SGK3: variants seen among roughly 807,000 people sequenced by gnomAD.
SGK3 encodes the protein serine/threonine-protein kinase Sgk3.
Under a neutral mutation model 68.5 loss-of-function variants are expected in SGK3, and 47 were observed. That is an observed-to-expected ratio of 0.69 (90% CI 0.54 to 0.87). SGK3 has a LOEUF of 0.87. Ranked by LOEUF, SGK3 falls within the 40% of genes least tolerant of loss-of-function variation. SGK3 has a pLI of 0.00. For synonymous variants in SGK3, 181 were observed against 189.1 expected, an observed-to-expected ratio of 0.96 and a Z score of 0.35; for missense variants, 479 against 575.5, an observed-to-expected ratio of 0.83 and a Z score of 1.72.
chr8:66,772,479 G>T (rs950865879), intron 1 of SGK3, among the ~76,000 whole-genome samples: 1 of 150,262 alleles, frequency 6.7e-6, no homozygotes, highest in African/African-American at 2.5e-5. Context: ...ATTGCAGCCT[G>T]TACCTTCCAG....
intron 1 of SGK3, among the ~76,000 whole-genome samples, chr8:66,764,659 T>C (rs139474776): frequency 6.6e-6 from 1 of 152,120 alleles, no homozygotes; most frequent in Admixed American, 6.5e-5. Context: ...ATTTTGTCAG[T>C]AGAGATGGGG....
chr8:66,809,961 G>A (rs1330936112), intron 4 of SGK3, among the ~76,000 whole-genome samples: 3 of 152,168 alleles, frequency 2.0e-5, no homozygotes, highest in African/African-American at 4.8e-5. Flanking sequence ...AGGGATCCAA[G>A]AGCGCTAGCA....
Position 66,821,805 on chromosome 8 carries a change from G to A in SGK3, c.330-567G>A, listed in dbSNP as rs368743571. 8.3e-4 allele frequency among the ~76,000 whole-genome samples: 126 copies of A among 151,400 alleles called. 1 individual carries two copies. The highest frequency in any genetic ancestry group is 3.0e-3 in the African/African-American group (123 of 41,254). On this transcript the variant is annotated intron_variant, in intron 5 of 16. Coordinates refer to ENST00000521198, the MANE Select transcript of SGK3 (RefSeq NM_001033578.3). ...TTCCCAAAGTGCTGGGATTACAGGC[G>A]TGAGCCACTGTGCCTGGCCAGCAGC...
At chr8:66,829,029 G>C (rs1393150937) in intron 7 of SGK3, among the ~76,000 whole-genome samples, 1 of 151,432 alleles carries the variant, frequency 6.6e-6, no homozygotes, top group East Asian at 1.9e-4. Context: ...TTTCCCAAGG[G>C]ACCACAAGTC....
intron 16 of SGK3, among the ~76,000 whole-genome samples, chr8:66,851,722 G>A (rs1810296906): frequency 6.6e-6 from 1 of 152,034 alleles, no homozygotes; most frequent in Admixed American, 6.5e-5. Context: ...TTAAAGATGA[G>A]CTTTATACTA....
In SGK3 at chr8:66,767,581, C is replaced by T. The variant is rs1806358673; in HGVS notation, c.-121-26035C>T. The T allele has an allele frequency of 2.1e-6, 3 of 1,415,890 alleles. No individual in the cohort carries two copies. In the African/African-American group the frequency reaches 4.2e-5, roughly 20 times the overall value. The allele number at this position is 1,415,890 out of a possible 1,614,324, so 87.7% of individuals were successfully genotyped here. ...ATCAAGTATCATGAGAGGCACTTCA[C>T]TCAAGGGGAGATGTGCAATCTGGTG... On this transcript the variant is annotated intron_variant, in intron 1 of 16. Coordinates refer to ENST00000521198, the MANE Select transcript of SGK3 (RefSeq NM_001033578.3).
chr8:66,774,949 C>CGCCCAAGGCTCTCTTCACCT (rs1176287434), intron 1 of SGK3, among the ~76,000 whole-genome samples: 4 of 152,330 alleles, frequency 2.6e-5, no homozygotes, highest in African/African-American at 9.6e-5. Context: ...TCCTTGCCCC[C>CGCCCAAGGCTCTCTTCACCT]GCCCAAGGCT....
chr8:66,856,269 G>A (rs770019817), intron 16 of SGK3, among the ~76,000 whole-genome samples: 5 of 152,022 alleles, frequency 3.3e-5, no homozygotes, highest in Non-Finnish European at 7.4e-5. Context: ...GGGTTCCATC[G>A]TGTTAACCAG....
chr8:66,846,088 TTTTTTG>T (rs1303901765), intron 14 of SGK3, among the ~76,000 whole-genome samples: 3 of 152,180 alleles, frequency 2.0e-5, no homozygotes, highest in African/African-American at 7.2e-5. Flanking sequence ...AATTGGGTTT[TTTTTTG>T]TTTTTGTTTT....
chr8:66,743,845 C>T (rs1456566264), intron 1 of SGK3, among the ~76,000 whole-genome samples: 1 of 152,228 alleles, frequency 6.6e-6, no homozygotes. Context: ...CTAATTCTTC[C>T]TAAGCCCTGT....
intron 5 of SGK3, among the ~76,000 whole-genome samples, chr8:66,817,016 A>G (rs1808614465): frequency 6.6e-6 from 1 of 151,480 alleles, no homozygotes. Context: ...TTTTTAGTAG[A>G]GGCGGGGTTT....
chr8:66,721,395 G>A (rs1196123976), intron 1 of SGK3, among the ~76,000 whole-genome samples: 1 of 152,108 alleles, frequency 6.6e-6, no homozygotes, highest in Non-Finnish European at 1.5e-5. Flanking sequence ...ATTAAGAAAA[G>A]TTCTGTCTTT....
chr8:66,782,635 T>C (rs1807037383), intron 1 of SGK3, among the ~76,000 whole-genome samples: 1 of 152,212 alleles, frequency 6.6e-6, no homozygotes, highest in African/African-American at 2.4e-5. Context: ...AGTCATCGTT[T>C]CACCCTGTGC....
At chr8:66,738,401 C>T (rs1322055458) in intron 1 of SGK3, among the ~76,000 whole-genome samples, 1 of 152,188 alleles carries the variant, frequency 6.6e-6, no homozygotes, top group East Asian at 1.9e-4. Context: ...CGTTGTCATT[C>T]CTATGCATAA....
At chr8:66,727,988 A>G (rs1426111199) in intron 1 of SGK3, among the ~76,000 whole-genome samples, 4 of 152,258 alleles carry the variant, frequency 2.6e-5, no homozygotes, top group African/African-American at 7.2e-5. Flanking sequence ...TAAAAATAAC[A>G]GCTTTATTGA....
chr8:66,770,035 G>A (rs1200706047), intron 1 of SGK3, among the ~76,000 whole-genome samples: 3 of 152,058 alleles, frequency 2.0e-5, no homozygotes, highest in African/African-American at 7.2e-5. Flanking sequence ...CTCACTGCAA[G>A]CTCCACCTCC....
intron 13 of SGK3, among the ~76,000 whole-genome samples, chr8:66,842,841 G>A (rs982870770): frequency 3.9e-5 from 6 of 152,148 alleles, no homozygotes; most frequent in Non-Finnish European, 8.8e-5. Context: ...GACCAAAGTG[G>A]GCAGATTGCT....
At chr8:66,760,222 T>G (rs866012009) in intron 1 of SGK3, among the ~76,000 whole-genome samples, 1 of 152,190 alleles carries the variant, frequency 6.6e-6, no homozygotes, top group Non-Finnish European at 1.5e-5. Flanking sequence ...GAAACTAATT[T>G]TCCAAAGCTC....
intron 1 of SGK3, among the ~76,000 whole-genome samples, chr8:66,754,189 A>G (rs1449457043): frequency 6.6e-6 from 1 of 152,214 alleles, no homozygotes; most frequent in African/African-American, 2.4e-5. Context: ...AAGGCACACA[A>G]GGGTCTTGGC....
Sources: allele counts gnomAD v4.1 joint callset (sites outside exome capture counted in the v4.1 genomes callset), GRCh38; gene constraint gnomAD v4.1.1; transcripts MANE v1.5; gene names NCBI Gene and HGNC (gene_info 2026-07-23, HGNC 2026-07-21).